Variants in CYFIP1 observed in about 807,000 individuals in gnomAD.
The protein encoded by CYFIP1 is cytoplasmic FMR1 interacting protein 1, also known as cytoplasmic FMR1-interacting protein 1.
Under a neutral mutation model 163.5 loss-of-function variants are expected in CYFIP1, and 58 were observed. The ratio of observed to expected loss-of-function variants is 0.35; its 90% CI spans 0.29 to 0.44. The LOEUF (loss-of-function observed/expected upper bound fraction) is 0.44. Ranked by LOEUF, CYFIP1 falls within the 20% of genes least tolerant of loss-of-function variation. The pLI, the probability that CYFIP1 is intolerant of heterozygous loss-of-function variation, is 1.00. For missense variants in CYFIP1, 1,338 were observed against 1,653.8 expected (o/e 0.81, Z 3.31); for synonymous variants, 663 against 660.7 (o/e 1.00, Z -0.05).
At chr15:22,977,964 C>T (rs1202415311) in intron 1 of CYFIP1, among the ~76,000 whole-genome samples, 2 of 152,112 alleles carry the variant, frequency 1.3e-5, no homozygotes, top group African/African-American at 4.8e-5. Context: ...GATACAGACA[C>T]AAGCATTGAC....
Position 22,872,908 on chromosome 15 carries a change from G to A in CYFIP1, c.3514C>T (p.Arg1172Trp), listed in dbSNP as rs765442644. 13 of 1,613,994 alleles carry A rather than the reference G, an allele frequency of 8.1e-6. No individual in the cohort carries two copies. Among genetic ancestry groups the A allele is most frequent in the South Asian group, 6.6e-5 (6 of 91,080 alleles). The part of the protein sequence containing the change: ...CMIIVLLGQQ[R>W]RFAVLDFCYH... ...CAGAAATCCAGCACAGCAAAACGCC[G>A]CTGCTGCCCAAGAAGTACGATGATC... Residue 1172 changes from arginine (R) to tryptophan (W), a missense_variant, in exon 30 of 31, where the codon CGG (arginine) becomes TGG (tryptophan). Physicochemically the swap from Arg to Trp is moderately radical, Grantham distance 101. This residue lies in a region of CYFIP1 where 306 missense variants were observed against 322.1 expected (regional missense o/e 0.95). Coordinates refer to ENST00000617928, the MANE Select transcript of CYFIP1 (RefSeq NM_014608.6).
intron 21 of CYFIP1, 55 bp from the exon 22 acceptor site, chr15:22,903,960 C>T (rs962730311): frequency 2.0e-5 from 31 of 1,541,996 alleles, no homozygotes; most frequent in East Asian, 1.2e-4. Flanking sequence ...AGGAAGGAGG[C>T]GCCGAGTGGC....
intron 22 of CYFIP1, among the ~76,000 whole-genome samples, chr15:22,899,688 T>C (rs1312961720): frequency 1.3e-5 from 2 of 152,178 alleles, no homozygotes; most frequent in East Asian, 1.9e-4. Context: ...GGTATGTCTT[T>C]ATCGGCAGTG....
chr15:22,894,350 T>C (rs2060167012), intron 22 of CYFIP1, among the ~76,000 whole-genome samples: 1 of 143,494 alleles, frequency 7.0e-6, no homozygotes, highest in South Asian at 2.3e-4. Context: ...AGTGCTGTGG[T>C]GTGATCTTGG....
intron 18 of CYFIP1, among the ~76,000 whole-genome samples, chr15:22,911,386 G>C (rs2060783055): frequency 6.6e-6 from 1 of 152,172 alleles, no homozygotes; most frequent in African/African-American, 2.4e-5. Context: ...GTGACCACGA[G>C]GAGCTACTGT....
intron 21 of CYFIP1, among the ~76,000 whole-genome samples, chr15:22,906,800 T>G (rs1355892650): frequency 6.6e-6 from 1 of 152,200 alleles, no homozygotes; most frequent in African/African-American, 2.4e-5. Context: ...TTTAGCTCAC[T>G]GTGAAAGATG....
chr15:22,887,750 T>G (rs970803116), intron 23 of CYFIP1, among the ~76,000 whole-genome samples: 6 of 152,278 alleles, frequency 3.9e-5, no homozygotes, highest in African/African-American at 1.4e-4. Context: ...GAGGAGGCAC[T>G]ACTTCTGGGG....
At chr15:22,900,846 A>G (rs1434368183) in intron 22 of CYFIP1, among the ~76,000 whole-genome samples, 1 of 152,008 alleles carries the variant, frequency 6.6e-6, no homozygotes, top group East Asian at 1.9e-4. Context: ...CAAATAAGCA[A>G]ATAATAAACA....
intron 1 of CYFIP1, among the ~76,000 whole-genome samples, chr15:22,950,769 C>T (rs1164421273): frequency 6.6e-6 from 1 of 152,230 alleles, no homozygotes; most frequent in Non-Finnish European, 1.5e-5. Context: ...CAGTAGCCGG[C>T]TGGGTCGCCA....
At chr15:22,901,339 T>A (rs1208617853) in intron 22 of CYFIP1, among the ~76,000 whole-genome samples, 1 of 152,160 alleles carries the variant, frequency 6.6e-6, no homozygotes, top group East Asian at 1.9e-4. Flanking sequence ...TTTGTTTACA[T>A]CATCTCAAAT....
intron 6 of CYFIP1, among the ~76,000 whole-genome samples, 197 bp downstream of exon 6, chr15:22,942,976 G>C (rs896049331): frequency 6.6e-6 from 1 of 152,226 alleles, no homozygotes; most frequent in Non-Finnish European, 1.5e-5. Flanking sequence ...GCAAAGCCAC[G>C]ATATGCACTT....
chr15:22,941,846 ATACTTT>A (rs2061903130), intron 6 of CYFIP1, among the ~76,000 whole-genome samples: 1 of 152,186 alleles, frequency 6.6e-6, no homozygotes, highest in Non-Finnish European at 1.5e-5. Flanking sequence ...CAACTTTTAA[ATACTTT>A]TAAATATTGA....
Position 22,874,585 on chromosome 15 carries a change from G to C in CYFIP1, c.3175C>G (p.Leu1059Val). Residue 1059 changes from leucine to valine, a missense_variant, in exon 28 of 31, where the codon CTT becomes GTT. Leu to Val is a conservative substitution (Grantham distance 32). Around this residue, in one of 4 missense-constraint regions of CYFIP1, gnomAD observed 306 missense variants for 322.1 expected, o/e 0.95. Transcript: ENST00000617928. The part of the protein sequence containing the change: ...RLESKYAPLH[L>V]VPLIERLGTP... ...CCCAGTCTTTCAATCAGTGGGACAAGATGCAGCGGGGCGTACTTTGATTCT... is the reference window on the plus strand; with the variant it reads ...CCCAGTCTTTCAATCAGTGGGACAACATGCAGCGGGGCGTACTTTGATTCT... The C allele has an allele frequency of 6.2e-7, 1 of 1,607,748 alleles. No individual in the cohort carries two copies. The highest frequency in any genetic ancestry group is 8.5e-7 in the Non-Finnish European group (1 of 1,177,626).
At chr15:22,918,019 A>C (rs2142113166) in intron 14 of CYFIP1, 84 bp from the exon 15 acceptor site, 3 of 1,476,642 alleles carry the variant, frequency 2.0e-6, no homozygotes, top group Non-Finnish European at 2.8e-6. Flanking sequence ...ACCCAACTAC[A>C]AGGCTCTCAG....
At position 22,946,981 on chromosome 15, in the gene CYFIP1, CAA is replaced by C. The variant is rs1409379683; in HGVS notation, c.207+20_207+21del. Reference sequence around the variant, plus strand: ...ACACGCCCTTCTCTGCAGAGAGAAACAAAGACACACCGCAACATTACCATGCT... The same window carrying C: ...ACACGCCCTTCTCTGCAGAGAGAAACAGACACACCGCAACATTACCATGCT... On this transcript the variant is annotated intron_variant, in intron 3 of 30. Transcript: ENST00000617928. 3 of 1,606,332 alleles carry C rather than the reference CAA, an allele frequency of 1.9e-6. No homozygotes were observed. The highest frequency in any genetic ancestry group is 1.7e-5 in the Admixed American group (1 of 60,026).
At chr15:22,959,731 G>A (rs1257717471) in intron 1 of CYFIP1, among the ~76,000 whole-genome samples, 6 of 152,150 alleles carry the variant, frequency 3.9e-5, no homozygotes, top group African/African-American at 1.4e-4. Context: ...GTATCTGCTG[G>A]GTCCTGCGGC....
intron 26 of CYFIP1, among the ~76,000 whole-genome samples, chr15:22,877,022 C>T (rs1201247634): frequency 2.6e-5 from 4 of 152,120 alleles, no homozygotes; most frequent in East Asian, 3.9e-4. Flanking sequence ...ACCAGACAGG[C>T]ATCCTCAGGC....
intron 30 of CYFIP1, among the ~76,000 whole-genome samples, chr15:22,871,979 G>A (rs2059443848): frequency 6.6e-6 from 1 of 152,088 alleles, no homozygotes; most frequent in African/African-American, 2.4e-5. Context: ...GTGGTGATTT[G>A]TTGTCATGGA....
chr15:22,944,766 G>T, intron 4 of CYFIP1, 96 bp downstream of exon 4: 1 of 1,520,720 alleles, frequency 6.6e-7, no homozygotes. Flanking sequence ...TGAGAACTGG[G>T]AGGAGAGTGG....
Sources: allele counts gnomAD v4.1 joint callset (sites outside exome capture counted in the v4.1 genomes callset), GRCh38; gene constraint gnomAD v4.1.1; regional missense constraint gnomAD v4.1.1; transcripts MANE v1.5; gene names NCBI Gene and HGNC (gene_info 2026-07-23, HGNC 2026-07-21).